MYBL1: variants seen among roughly 807,000 people sequenced by gnomAD.
MYBL1 encodes the protein MYB proto-oncogene like 1.
Under a neutral mutation model 96.3 loss-of-function variants are expected in MYBL1, and 17 were observed. The ratio of observed to expected loss-of-function variants is 0.18; its 90% CI spans 0.12 to 0.26. The LOEUF (loss-of-function observed/expected upper bound fraction) is 0.26. Ranked by LOEUF, MYBL1 falls within the 10% of genes least tolerant of loss-of-function variation. MYBL1 has a pLI of 1.00. For missense variants in MYBL1, 701 were observed against 882.9 expected, an observed-to-expected ratio of 0.79 and a Z score of 2.61; for synonymous variants, 282 against 292.7, an observed-to-expected ratio of 0.96 and a Z score of 0.37.
intron 6 of MYBL1, among the ~76,000 whole-genome samples, chr8:66,594,130 G>C (rs142922324): frequency 1.4e-3 from 212 of 150,602 alleles, no homozygotes; most frequent in African/African-American, 4.8e-3. Flanking sequence ...AAGAGATTCT[G>C]TCTCAAAAAG....
chr8:66,573,483 A>G lies in MYBL1; in HGVS notation c.1494T>C (p.Asn498=), dbSNP rs1206597643. Residue 498 remains asparagine (N), a synonymous_variant, in exon 11 of 16, where the codon AAT becomes AAC. Coordinates refer to ENST00000522677, the MANE Select transcript of MYBL1 (RefSeq NM_001080416.4). ...AAGGATTTTCTATATTAAGTTGTTC[A>G]TTACCAGGACATGTGTTGAAAAACT... ...PSQFFNTCPG[N]EQLNIENPSF... The G allele has an allele frequency of 2.5e-6, 4 of 1,608,048 alleles. No individual in the cohort carries two copies. The highest frequency in any genetic ancestry group is 3.4e-6 in the Non-Finnish European group (4 of 1,177,662).
intron 14 of MYBL1, 112 bp downstream of exon 14, chr8:66,566,571 TA>T: frequency 1.5e-6 from 1 of 663,274 alleles, no homozygotes; most frequent in Non-Finnish European, 2.5e-6. Context: ...GATACTAAGA[TA>T]AAAATTCTCC....
chr8:66,602,808 T>C (rs1204845350), intron 1 of MYBL1, among the ~76,000 whole-genome samples: 1 of 137,558 alleles, frequency 7.3e-6, no homozygotes, highest in Non-Finnish European at 1.5e-5. Context: ...TGCAGTGGCA[T>C]GATCTCGGCT....
At position 66,563,648 on chromosome 8, in the gene MYBL1, A is replaced by T. The variant is rs1808398107; in HGVS notation, c.*1049T>A. The T allele has an allele frequency of 6.6e-6, 1 of 152,390 alleles. No individual in the cohort carries two copies. The highest frequency in any genetic ancestry group is 2.4e-5 in the African/African-American group (1 of 41,462). The allele number at this position is 152,390 out of a possible 1,614,324, so 9.4% of individuals were successfully genotyped here. A position where few individuals can be genotyped will look rare whatever the true frequency, so the allele number is the denominator to read the frequency against. On this transcript the variant is annotated 3_prime_UTR_variant, in exon 16 of 16. Transcript: ENST00000522677. ...TTTTTAAACAAAATGCAAAAATTTC[A>T]AACACATATACAAATCACCAGATTA...
intron 1 of MYBL1, among the ~76,000 whole-genome samples, chr8:66,605,709 G>A (rs879303653): frequency 3.3e-5 from 5 of 152,002 alleles, no homozygotes; most frequent in Non-Finnish European, 4.4e-5. Context: ...CCAGCTACTC[G>A]GGAGGCTGAG....
At chr8:66,601,954 T>C (rs1008993992) in intron 2 of MYBL1, among the ~76,000 whole-genome samples, 185 bp from the exon 3 acceptor site, 2 of 152,212 alleles carry the variant, frequency 1.3e-5, no homozygotes, top group Admixed American at 1.3e-4. Context: ...TCATCAGTTA[T>C]TCATGTCTCT....
chr8:66,588,772 A>G (rs1001548505), intron 8 of MYBL1, among the ~76,000 whole-genome samples: 2 of 152,218 alleles, frequency 1.3e-5, no homozygotes, highest in Non-Finnish European at 2.9e-5. Context: ...CTGTAATCCC[A>G]ACACTTTGGG....
At chr8:66,584,358 G>C (rs1809331518) in intron 8 of MYBL1, among the ~76,000 whole-genome samples, 2 of 152,122 alleles carry the variant, frequency 1.3e-5, no homozygotes, top group South Asian at 4.1e-4. Context: ...CACAGTACTG[G>C]AAGTCCTAGC....
At chr8:66,577,603 TC>T (rs1279067809) in intron 9 of MYBL1, among the ~76,000 whole-genome samples, 3,115 of 152,006 alleles carry the variant, frequency 0.02, 50 homozygotes, top group South Asian at 0.047. Flanking sequence ...GGAAGAACAT[TC>T]CATGCTCATG....
intron 10 of MYBL1, among the ~76,000 whole-genome samples, chr8:66,575,325 T>C (rs577755099): frequency 6.6e-6 from 1 of 152,354 alleles, no homozygotes; most frequent in Admixed American, 6.5e-5. Context: ...TTAATCTTTA[T>C]CAGGTATATC....
At chr8:66,605,652 C>A (rs1241639984) in intron 1 of MYBL1, among the ~76,000 whole-genome samples, 1 of 151,964 alleles carries the variant, frequency 6.6e-6, no homozygotes, top group Non-Finnish European at 1.5e-5. Context: ...GAAACCCCTA[C>A]TAAAAATACA....
chr8:66,594,870 A>G (rs1809789521), intron 6 of MYBL1, among the ~76,000 whole-genome samples: 1 of 152,206 alleles, frequency 6.6e-6, no homozygotes, highest in Admixed American at 6.5e-5. Context: ...ATCTTTTGGT[A>G]GAAAACTACT....
At chr8:66,566,501 A>T (rs7818432) in intron 14 of MYBL1, among the ~76,000 whole-genome samples, 183 bp downstream of exon 14, 1,523 of 152,066 alleles carry the variant, frequency 0.01, 28 homozygotes, top group African/African-American at 0.033. Flanking sequence ...AAAGAAATAT[A>T]AAAAAAAGTA....
At chr8:66,567,349 A>G (rs1475868637) in intron 12 of MYBL1, among the ~76,000 whole-genome samples, 1 of 152,214 alleles carries the variant, frequency 6.6e-6, no homozygotes, top group Non-Finnish European at 1.5e-5. Context: ...TATTGGGAAT[A>G]CACTAGCTCT....
chr8:66,579,169 A>G (rs1809094920), intron 9 of MYBL1, among the ~76,000 whole-genome samples: 6 of 152,054 alleles, frequency 3.9e-5, no homozygotes, highest in Non-Finnish European at 8.8e-5. Flanking sequence ...AGCATGGCAC[A>G]CGTATACATA....
At chr8:66,580,547 A>G (rs2129828472) in intron 8 of MYBL1, among the ~76,000 whole-genome samples, 181 bp from the exon 9 acceptor site, 1 of 152,328 alleles carries the variant, frequency 6.6e-6, no homozygotes, top group Non-Finnish European at 1.5e-5. Flanking sequence ...TCTAATTAAA[A>G]TTTTTAATCT....
At chr8:66,571,168 G>C (rs1488970532) in intron 12 of MYBL1, among the ~76,000 whole-genome samples, 1 of 152,194 alleles carries the variant, frequency 6.6e-6, no homozygotes, top group African/African-American at 2.4e-5. Flanking sequence ...GAACTTGTCA[G>C]AAATCTGTAT....
chr8:66,597,301 G>A (rs1809891074), intron 5 of MYBL1, 29 bp downstream of exon 5: 1 of 1,450,664 alleles, frequency 6.9e-7, no homozygotes, highest in South Asian at 1.4e-5. Context: ...TTTAAGTACA[G>A]AAAAATATAT....
In MYBL1 at chr8:66,573,514, G is replaced by T; in HGVS notation, c.1471-8C>A. The T allele has an allele frequency of 6.3e-7, 1 of 1,587,128 alleles. No homozygotes were observed. The highest frequency in any genetic ancestry group is 1.2e-5 in the South Asian group (1 of 84,740). On this transcript the variant is annotated splice_region_variant and splice_polypyrimidine_tract_variant and intron_variant, in intron 10 of 15. Transcript: ENST00000522677. ...AGGACATGTGTTGAAAAACTAGAAA[G>T]GGAAGAGAGTTTAAAGACGACTTCT...
Sources: allele counts gnomAD v4.1 joint callset (sites outside exome capture counted in the v4.1 genomes callset), GRCh38; gene constraint gnomAD v4.1.1; transcripts MANE v1.5; gene names NCBI Gene and HGNC (gene_info 2026-07-23, HGNC 2026-07-21).